ELAVL2: variants seen among roughly 807,000 people sequenced by gnomAD.
The protein encoded by ELAVL2 is ELAV like RNA binding protein 2.
Under a neutral mutation model 34.6 loss-of-function variants are expected in ELAVL2, and 4 were observed. The ratio of observed to expected loss-of-function variants is 0.12; its 90% CI spans 0.06 to 0.26. The LOEUF is 0.26. ELAVL2 is among the 10% of genes least tolerant of loss of function. The probability of loss-of-function intolerance (pLI) is 1.00; values close to 1 mark genes in which losing one functional copy is unlikely to be tolerated. For synonymous variants in ELAVL2, 193 were observed against 154.8 expected, an observed-to-expected ratio of 1.25 and a Z score of -1.83; for missense variants, 432 against 442.8, an observed-to-expected ratio of 0.98 and a Z score of 0.22.
chr9:23,799,374 G>C (rs957281861), intron 1 of ELAVL2, among the ~76,000 whole-genome samples: 3 of 152,104 alleles, frequency 2.0e-5, no homozygotes, highest in African/African-American at 7.2e-5. Flanking sequence ...AAGAAACCCA[G>C]GACCTGAAAA....
the ELAVL2 span, among the ~76,000 whole-genome samples, chr9:23,834,354 G>A: frequency 5.9e-5 from 9 of 151,940 alleles, no homozygotes; most frequent in African/African-American, 2.2e-4. Context: ...TTTGCAAATT[G>A]TTAATGGCTT....
chr9:23,716,363 A>G (rs1196064324), intron 3 of ELAVL2, among the ~76,000 whole-genome samples: 1 of 152,196 alleles, frequency 6.6e-6, no homozygotes, highest in Non-Finnish European at 1.5e-5. Flanking sequence ...ATGAAACAAA[A>G]AAGCTGTTAA....
At chr9:23,822,570 T>C (rs965377164) in intron 1 of ELAVL2, among the ~76,000 whole-genome samples, 1 of 152,180 alleles carries the variant, frequency 6.6e-6, no homozygotes, top group African/African-American at 2.4e-5. Context: ...GAAAAACCTG[T>C]GCCTGTCCTC....
intron 1 of ELAVL2, among the ~76,000 whole-genome samples, chr9:23,763,850 T>G (rs1423306768): frequency 6.6e-6 from 1 of 152,118 alleles, no homozygotes; most frequent in Non-Finnish European, 1.5e-5. Context: ...CATTTCCTTG[T>G]CAAAGAAGTG....
the ELAVL2 span, among the ~76,000 whole-genome samples, chr9:23,837,670 C>A: frequency 6.6e-6 from 1 of 152,120 alleles, no homozygotes; most frequent in Non-Finnish European, 1.5e-5. Context: ...CTTTAAGGTA[C>A]TTCCAGATGT....
At chr9:23,823,733 C>T (rs939105808) in intron 1 of ELAVL2, among the ~76,000 whole-genome samples, 1 of 152,184 alleles carries the variant, frequency 6.6e-6, no homozygotes, top group Admixed American at 6.5e-5. Flanking sequence ...AACACATTTC[C>T]TACCCTTCTG....
intron 3 of ELAVL2, among the ~76,000 whole-genome samples, chr9:23,724,857 T>G (rs1252482337): frequency 6.6e-6 from 1 of 152,166 alleles, no homozygotes; most frequent in Non-Finnish European, 1.5e-5. Context: ...ACCCCACTCC[T>G]GGCATATACT....
intron 1 of ELAVL2, among the ~76,000 whole-genome samples, chr9:23,769,476 G>A (rs904650388): frequency 1.3e-5 from 2 of 152,156 alleles, no homozygotes; most frequent in East Asian, 3.9e-4. Flanking sequence ...AGTCAACCAA[G>A]TGCTAAAATC....
At chr9:23,834,431 G>T in the ELAVL2 span, among the ~76,000 whole-genome samples, 1 of 151,934 alleles carries the variant, frequency 6.6e-6, no homozygotes, top group Middle Eastern at 3.4e-3. Flanking sequence ...TTACTTTATT[G>T]CTTCTAAACC....
At chr9:23,782,411 CA>C (rs3838729) in intron 1 of ELAVL2, among the ~76,000 whole-genome samples, 4,544 of 145,518 alleles carry the variant, frequency 0.031, 87 homozygotes, top group East Asian at 0.077. Context: ...ATTAAAAATA[CA>C]AAAAAAAAAA....
At chr9:23,703,847 C>G (rs536301398) in intron 4 of ELAVL2, among the ~76,000 whole-genome samples, 3 of 152,278 alleles carry the variant, frequency 2.0e-5, no homozygotes, top group African/African-American at 7.2e-5. Context: ...GTCTATGGTA[C>G]TACAGCTAAT....
At chr9:23,807,842 C>A (rs1251449898) in intron 1 of ELAVL2, among the ~76,000 whole-genome samples, 2 of 152,088 alleles carry the variant, frequency 1.3e-5, no homozygotes, top group Non-Finnish European at 2.9e-5. Flanking sequence ...ATTTCAAAAT[C>A]CAACACATTT....
At chr9:23,770,155 C>T (rs2057044875) in intron 1 of ELAVL2, among the ~76,000 whole-genome samples, 1 of 152,096 alleles carries the variant, frequency 6.6e-6, no homozygotes, top group Non-Finnish European at 1.5e-5. Flanking sequence ...GTGTGCAGAA[C>T]ATATACAAGT....
the ELAVL2 span, among the ~76,000 whole-genome samples, chr9:23,833,618 TG>T: frequency 6.6e-6 from 1 of 152,034 alleles, no homozygotes; most frequent in African/African-American, 2.4e-5. Context: ...AAAATAATCT[TG>T]TTTTTTTATA....
intron 3 of ELAVL2, among the ~76,000 whole-genome samples, chr9:23,718,381 T>C (rs532203235): frequency 2.3e-4 from 35 of 152,312 alleles, no homozygotes; most frequent in African/African-American, 8.2e-4. Flanking sequence ...ATCTAATGTA[T>C]GTATACAGGT....
rs769544166 is a variant in ELAVL2 at position 23,701,588 on chromosome 9, T to C, written c.504A>G (p.Val168=). The C allele has an allele frequency of 6.2e-7, 1 of 1,614,006 alleles. No homozygotes were observed. Among genetic ancestry groups the C allele is most frequent in the Non-Finnish European group, 8.5e-7 (1 of 1,179,952 alleles). The change falls in exon 5 of 7, where the codon GTA becomes GTG. Residue 168 remains valine (V), a synonymous_variant. Transcript: ENST00000397312. ...TTCGCTTGTCAAATCGAATAAACCC[T>C]ACACCCCTTGATATGCCTATGGTAG... The part of the protein sequence containing the change: ...VDQVTGISRG[V]GFIRFDKRIE...
the ELAVL2 span, among the ~76,000 whole-genome samples, chr9:23,843,769 C>T: frequency 6.6e-6 from 1 of 151,890 alleles, no homozygotes; most frequent in Middle Eastern, 3.4e-3. Flanking sequence ...TTACAAGATA[C>T]TTTTTTTTCT....
At chr9:23,833,947 T>C in the ELAVL2 span, among the ~76,000 whole-genome samples, 8 of 152,088 alleles carry the variant, frequency 5.3e-5, no homozygotes, top group African/African-American at 1.9e-4. Flanking sequence ...ACATTTATCA[T>C]CAGGTAAGAG....
intron 1 of ELAVL2, among the ~76,000 whole-genome samples, chr9:23,790,568 C>A (rs2060213011): frequency 6.6e-6 from 1 of 152,134 alleles, no homozygotes; most frequent in Non-Finnish European, 1.5e-5. Context: ...GTAAAGAAAG[C>A]TAAAAGGCTC....
Sources: gnomAD v4.1 joint callset for allele counts (sites outside exome capture counted in the v4.1 genomes callset) on GRCh38, gnomAD v4.1.1 for gene constraint, MANE v1.5 for transcripts, NCBI Gene and HGNC (gene_info 2026-07-23, HGNC 2026-07-21) for gene names.